SCHIP1: variants seen among roughly 807,000 people sequenced by gnomAD.
SCHIP1 encodes schwannomin interacting protein 1.
Under a neutral mutation model 29.7 loss-of-function variants are expected in SCHIP1, and 8 were observed. The ratio of observed to expected loss-of-function variants is 0.27; its 90% CI spans 0.16 to 0.49. The LOEUF is 0.49. SCHIP1 is among the 20% of genes least tolerant of loss of function. SCHIP1 has a pLI of 0.99. For missense variants in SCHIP1, 193 were observed against 294.6 expected (o/e 0.66, Z 2.52); for synonymous variants, 76 against 94.9 (o/e 0.80, Z 1.16).
At chr3:159,392,758 A>T in the SCHIP1 span, among the ~76,000 whole-genome samples, 2 of 151,780 alleles carry the variant, frequency 1.3e-5, no homozygotes, top group Non-Finnish European at 2.9e-5. Flanking sequence ...TTGTGAATAG[A>T]GCCGCAATAA....
At chr3:159,348,439 T>G in the SCHIP1 span, among the ~76,000 whole-genome samples, 6 of 152,150 alleles carry the variant, frequency 3.9e-5, no homozygotes, top group Non-Finnish European at 2.9e-5. Context: ...GCTCATTACT[T>G]TACCAAAATG....
At chr3:159,517,520 T>A in the SCHIP1 span, among the ~76,000 whole-genome samples, 8 of 152,304 alleles carry the variant, frequency 5.3e-5, no homozygotes, top group Admixed American at 5.2e-4. Context: ...AGTGTAGAAA[T>A]GCTTTCATTG....
the SCHIP1 span, among the ~76,000 whole-genome samples, chr3:159,569,638 T>G: frequency 6.6e-6 from 1 of 152,190 alleles, no homozygotes; most frequent in South Asian, 2.1e-4. Flanking sequence ...TACAGGTGCA[T>G]GTGTCTTTAT....
chr3:159,505,432 C>G, the SCHIP1 span, among the ~76,000 whole-genome samples: 1 of 152,134 alleles, frequency 6.6e-6, no homozygotes, highest in African/African-American at 2.4e-5. Context: ...CATGTGATAT[C>G]TGAAATCAAA....
At chr3:159,679,124 T>C in the SCHIP1 span, among the ~76,000 whole-genome samples, 2 of 152,190 alleles carry the variant, frequency 1.3e-5, no homozygotes, top group African/African-American at 4.8e-5. Flanking sequence ...TAGAATTTAG[T>C]AATTAAATTT....
chr3:159,412,791 A>C, the SCHIP1 span, among the ~76,000 whole-genome samples: 1 of 152,300 alleles, frequency 6.6e-6, no homozygotes, highest in East Asian at 1.9e-4. Context: ...TCTACTAAAC[A>C]GGTGACAGAC....
chr3:159,438,411 C>T, the SCHIP1 span, among the ~76,000 whole-genome samples: 1 of 152,240 alleles, frequency 6.6e-6, no homozygotes, highest in South Asian at 2.1e-4. Flanking sequence ...ATCTCTTCTA[C>T]CCCCGTTCCC....
the SCHIP1 span, among the ~76,000 whole-genome samples, chr3:159,468,777 A>ATTTTTT: frequency 2.4e-4 from 31 of 127,334 alleles, no homozygotes; most frequent in South Asian, 1.3e-3. Flanking sequence ...ATATATATAT[A>ATTTTTT]TTTTTTTTAG....
the SCHIP1 span, among the ~76,000 whole-genome samples, chr3:159,687,021 C>T: frequency 9.2e-5 from 14 of 152,156 alleles, no homozygotes; most frequent in Admixed American, 9.2e-4. Flanking sequence ...TTGATAACTC[C>T]TGTCAATCTC....
the SCHIP1 span, among the ~76,000 whole-genome samples, chr3:159,464,062 T>C: frequency 6.6e-6 from 1 of 152,224 alleles, no homozygotes; most frequent in Non-Finnish European, 1.5e-5. Context: ...CATGTGAGAC[T>C]GTCTTTTGCA....
At chr3:159,524,403 A>G in the SCHIP1 span, among the ~76,000 whole-genome samples, 1 of 152,220 alleles carries the variant, frequency 6.6e-6, no homozygotes, top group Non-Finnish European at 1.5e-5. Flanking sequence ...AATGCCTTGT[A>G]GCCAAGTCCC....
chr3:159,832,388 G>A, the SCHIP1 span, among the ~76,000 whole-genome samples: 2 of 151,814 alleles, frequency 1.3e-5, no homozygotes, highest in African/African-American at 2.4e-5. Context: ...TTCTCCCTTT[G>A]CTGGCTCCTT....
At chr3:159,432,325 TGTGTGTGTGTGTGTGAGAGAGA>T in the SCHIP1 span, among the ~76,000 whole-genome samples, 168 of 102,286 alleles carry the variant, frequency 1.6e-3, no homozygotes, top group East Asian at 0.019. Flanking sequence ...TGTGTGTGTG[TGTGTGTGTGTGTGTGAGAGAGA>T]GAGAGAGAGA....
intron 2 of SCHIP1, among the ~76,000 whole-genome samples, chr3:159,867,484 A>G (rs952720474): frequency 6.6e-6 from 1 of 152,204 alleles, no homozygotes; most frequent in African/African-American, 2.4e-5. Context: ...ACATGCTCAC[A>G]TATACACCTA....
chr3:159,473,354 G>GT, the SCHIP1 span, among the ~76,000 whole-genome samples: 2 of 152,052 alleles, frequency 1.3e-5, no homozygotes, highest in Admixed American at 1.3e-4. Context: ...TCATCTAAAT[G>GT]TAACGCATGT....
At chr3:159,424,102 G>C in the SCHIP1 span, among the ~76,000 whole-genome samples, 2 of 148,466 alleles carry the variant, frequency 1.3e-5, no homozygotes, top group Admixed American at 1.4e-4. Flanking sequence ...AAAAAACAGA[G>C]CAGAAAAACT....
chr3:159,771,759 T>C, the SCHIP1 span, among the ~76,000 whole-genome samples: 2 of 151,776 alleles, frequency 1.3e-5, no homozygotes, highest in Non-Finnish European at 2.9e-5. Flanking sequence ...ATTTTGAAAA[T>C]ATACCATTAG....
At chr3:159,689,648 G>A in the SCHIP1 span, among the ~76,000 whole-genome samples, 4 of 152,204 alleles carry the variant, frequency 2.6e-5, no homozygotes, top group Non-Finnish European at 4.4e-5. Context: ...AATAGGAGTG[G>A]TGAGAGAGGG....
At chr3:159,866,018 A>T (rs1197996238) in intron 1 of SCHIP1, 145 bp from the exon 3 acceptor site, 3 of 700,544 alleles carry the variant, frequency 4.3e-6, no homozygotes, top group African/African-American at 3.6e-5. Context: ...TTCAGCTTTT[A>T]ATAATTCAAA....
Sources: allele counts gnomAD v4.1 joint callset (sites outside exome capture counted in the v4.1 genomes callset), GRCh38; gene constraint gnomAD v4.1.1; transcripts MANE v1.5; gene names NCBI Gene and HGNC (gene_info 2026-07-23, HGNC 2026-07-21).